PLXNA4: variants seen among roughly 807,000 people sequenced by gnomAD.
PLXNA4 encodes the protein plexin A4, also known as plexin-A4.
Under a neutral mutation model 191.8 loss-of-function variants are expected in PLXNA4, and 44 were observed. The observed-to-expected ratio is 0.23, with a 90% CI of 0.18 to 0.29. The LOEUF is 0.29. Ranked by LOEUF, PLXNA4 falls within the 10% of genes least tolerant of loss-of-function variation. The pLI, the probability that PLXNA4 is intolerant of heterozygous loss-of-function variation, is 1.00. For synonymous variants in PLXNA4, 1,082 were observed against 1,009.5 expected, an observed-to-expected ratio of 1.07 and a Z score of -1.36; for missense variants, 1,800 against 2,488.8, an observed-to-expected ratio of 0.72 and a Z score of 5.89.
Position 132,131,594 on chromosome 7 carries a change from G to C in PLXNA4, c.5590-1020C>G, listed in dbSNP as rs567211049. Among the ~76,000 whole-genome samples the C allele has an allele frequency of 4.6e-5, 7 of 152,356 alleles. No homozygotes were observed. In the East Asian group the frequency reaches 1.4e-3, roughly 29 times the overall value. On this transcript the variant is annotated intron_variant, in intron 31 of 31. Coordinates refer to ENST00000321063, the MANE Select transcript of PLXNA4 (RefSeq NM_020911.2). ...CCCAGTTAATGTTTCTTTAGTTGTG[G>C]AAGCAGGATAGAGCTGGCCAAGAAC... is the stretch of plus-strand genomic sequence containing the variant.
At chr7:132,181,309 T>A (rs1302262576) in intron 18 of PLXNA4, 72 bp downstream of exon 18, 1 of 1,590,378 alleles carries the variant, frequency 6.3e-7, no homozygotes, top group Non-Finnish European at 8.6e-7. Context: ...CAGGAGTCTG[T>A]GACTTGAACA....
At chr7:132,561,803 ATCC>A (rs547875025) in intron 1 of PLXNA4, among the ~76,000 whole-genome samples, 8 of 28,170 alleles carry the variant, frequency 2.8e-4, no homozygotes, top group Admixed American at 8.5e-4. Flanking sequence ...CCTCCTCCTT[ATCC>A]TCCTCTTTCT....
chr7:132,145,338 G>C, intron 28 of PLXNA4, 50 bp from the exon 29 acceptor site: 2 of 1,607,050 alleles, frequency 1.2e-6, no homozygotes, highest in Non-Finnish European at 8.5e-7. Flanking sequence ...GTAGTTCTGA[G>C]GATGGCTTTT....
intron 3 of PLXNA4, among the ~76,000 whole-genome samples, chr7:132,412,755 A>G (rs1794510364): frequency 6.6e-6 from 1 of 152,142 alleles, no homozygotes; most frequent in African/African-American, 2.4e-5. Context: ...GAAAGCAGCC[A>G]AGACACAATT....
At chr7:132,311,630 T>C (rs554676660) in intron 3 of PLXNA4, among the ~76,000 whole-genome samples, 2 of 152,260 alleles carry the variant, frequency 1.3e-5, no homozygotes, top group South Asian at 4.1e-4. Flanking sequence ...CAGGGCTATC[T>C]CATAGATCAC....
intron 3 of PLXNA4, among the ~76,000 whole-genome samples, chr7:132,371,914 C>T (rs1187143215): frequency 6.6e-6 from 1 of 152,150 alleles, no homozygotes; most frequent in East Asian, 1.9e-4. Flanking sequence ...GGAAGGTAAG[C>T]CTGATGTGAA....
chr7:132,562,887 T>C (rs1585346676), intron 1 of PLXNA4, among the ~76,000 whole-genome samples: 3 of 62,198 alleles, frequency 4.8e-5, no homozygotes, highest in Non-Finnish European at 6.3e-5. Flanking sequence ...CTTCTTTCTC[T>C]GCCTCCTTCT....
chr7:132,460,100 TC>T (rs1393641621), intron 3 of PLXNA4, among the ~76,000 whole-genome samples: 1 of 152,132 alleles, frequency 6.6e-6, no homozygotes, highest in Non-Finnish European at 1.5e-5. Context: ...ACTCCGGTAA[TC>T]CCAGCACTTT....
intron 30 of PLXNA4, among the ~76,000 whole-genome samples, chr7:132,140,083 G>A (rs557215515): frequency 2.4e-3 from 364 of 152,290 alleles, no homozygotes; most frequent in Non-Finnish European, 3.8e-3. Context: ...AAGAACCAGG[G>A]CATTAAGAGC....
At chr7:132,643,027 G>A (rs1742931210) in intron 2 of PLXNA4, among the ~76,000 whole-genome samples, 1 of 151,978 alleles carries the variant, frequency 6.6e-6, no homozygotes, top group African/African-American at 2.4e-5. Context: ...AGGGTATTAG[G>A]TGGCTGGGGA....
At chr7:132,299,149 T>C (rs1329738258) in intron 3 of PLXNA4, among the ~76,000 whole-genome samples, 1 of 152,104 alleles carries the variant, frequency 6.6e-6, no homozygotes, top group Non-Finnish European at 1.5e-5. Context: ...CTCCCATAAA[T>C]CAGGAACAAA....
intron 18 of PLXNA4, 151 bp from the exon 19 acceptor site, chr7:132,180,883 A>T (rs1796681652): frequency 6.1e-6 from 8 of 1,309,928 alleles, no homozygotes; most frequent in South Asian, 1.5e-5. Flanking sequence ...TATTCATGGC[A>T]TGACTACCAC....
At chr7:132,204,919 T>A (rs1351965718) in intron 10 of PLXNA4, among the ~76,000 whole-genome samples, 1 of 152,188 alleles carries the variant, frequency 6.6e-6, no homozygotes, top group Non-Finnish European at 1.5e-5. Flanking sequence ...CACTCCTGGC[T>A]CTGCCCTAGC....
At chr7:132,235,195 CCTCTG>C (rs1444919210) in intron 5 of PLXNA4, among the ~76,000 whole-genome samples, 3 of 152,214 alleles carry the variant, frequency 2.0e-5, no homozygotes. Context: ...CCAACTCCAG[CCTCTG>C]CTCCCACAGT....
chr7:132,292,544 C>T (rs1800931785), intron 4 of PLXNA4, among the ~76,000 whole-genome samples: 1 of 152,208 alleles, frequency 6.6e-6, no homozygotes, highest in South Asian at 2.1e-4. Flanking sequence ...CCCAGTCTCA[C>T]CAAAATCAGA....
intron 2 of PLXNA4, among the ~76,000 whole-genome samples, chr7:132,495,908 A>G (rs1173436883): frequency 2.6e-5 from 4 of 152,222 alleles, no homozygotes; most frequent in Non-Finnish European, 4.4e-5. Flanking sequence ...CTCACTTACT[A>G]ATTTGCTTAA....
chr7:132,126,682 G>A lies in PLXNA4; in HGVS notation c.*3797C>T, dbSNP rs1198455466. ...CTGGACAGTCTGCCTCAAACTTTGG[G>A]ATTTATTTAAAATAACTTCTCTTTC... is the stretch of plus-strand genomic sequence containing the variant. On this transcript the variant is annotated 3_prime_UTR_variant, in exon 32 of 32. Transcript: ENST00000321063. The A allele has an allele frequency of 6.6e-6, 1 of 151,844 alleles. No individual in the cohort carries two copies. Among genetic ancestry groups the A allele is most frequent in the Non-Finnish European group, 1.5e-5 (1 of 67,834 alleles). The allele number at this position is 151,844 out of a possible 1,614,324, so 9.4% of individuals were successfully genotyped here.
chr7:132,620,876 G>T (rs1563196864), intron 2 of PLXNA4, among the ~76,000 whole-genome samples: 1 of 152,166 alleles, frequency 6.6e-6, no homozygotes, highest in African/African-American at 2.4e-5. Context: ...CACAGGTCTG[G>T]TGGCTGAAAG....
intron 10 of PLXNA4, among the ~76,000 whole-genome samples, chr7:132,207,432 G>A (rs907082063): frequency 3.3e-5 from 5 of 152,170 alleles, no homozygotes; most frequent in Middle Eastern, 6.8e-3. Flanking sequence ...TGGTGGCCAC[G>A]CACTATTATT....
Sources: allele counts gnomAD v4.1 joint callset (sites outside exome capture counted in the v4.1 genomes callset), GRCh38; gene constraint gnomAD v4.1.1; transcripts MANE v1.5; gene names NCBI Gene and HGNC (gene_info 2026-07-23, HGNC 2026-07-21).